RICTOR: variants seen among roughly 807,000 people sequenced by gnomAD.
RICTOR encodes RPTOR independent companion of MTOR complex 2.
A neutral mutation model predicts 214.9 loss-of-function variants in RICTOR; 49 were observed. The observed-to-expected ratio is 0.23, with a 90% CI of 0.18 to 0.29. RICTOR has a LOEUF of 0.29. Among genes scored for constraint, RICTOR ranks in the 10% least tolerant of loss-of-function variants. RICTOR has a pLI of 1.00. For missense variants in RICTOR, 1,625 were observed against 2,047.0 expected, an observed-to-expected ratio of 0.79 and a Z score of 3.98; for synonymous variants, 717 against 711.3, an observed-to-expected ratio of 1.01 and a Z score of -0.13.
Position 38,978,663 on chromosome 5 carries a change from A to T in RICTOR, c.754-13T>A. On this transcript the variant is annotated splice_polypyrimidine_tract_variant and intron_variant, in intron 8 of 37. Coordinates refer to ENST00000357387, the MANE Select transcript of RICTOR (RefSeq NM_152756.5). ...GTGCTAAAATTCTCTATTTAAAAAA[A>T]AAAAGGAAGAAAAGAGTCTTTATTT... 7.6e-7 allele frequency: 1 copy of T among 1,322,604 alleles called. No individual in the cohort carries two copies. Among genetic ancestry groups the T allele is most frequent in the Non-Finnish European group, 1.1e-6 (1 of 938,274 alleles). The allele number at this position is 1,322,604 out of a possible 1,614,324, so 81.9% of individuals were successfully genotyped here. A position where few individuals can be genotyped will look rare whatever the true frequency, so the allele number is the denominator to read the frequency against.
At position 38,998,994 on chromosome 5, in the gene RICTOR, C is replaced by T. The variant is rs374950983; in HGVS notation, c.393-2112G>A. On this transcript the variant is annotated intron_variant, in intron 5 of 37. Coordinates refer to ENST00000357387, the MANE Select transcript of RICTOR (RefSeq NM_152756.5). Reference sequence around the variant, plus strand: ...TTGCGCCACTGCACTCCAGCTTGGGCGACAGAGCGAGACTCCATCTCAAAC... The same window carrying T: ...TTGCGCCACTGCACTCCAGCTTGGGTGACAGAGCGAGACTCCATCTCAAAC... Among the ~76,000 whole-genome samples the T allele has an allele frequency of 8.8e-5, 11 of 125,586 alleles. No homozygotes were observed. The East Asian group carries it at 1.4e-3, about 16-fold the overall frequency. 82.4% of individuals were successfully genotyped at this position (125,586 alleles called of 152,430 possible).
At chr5:39,059,568 G>C (rs1758406544) in intron 2 of RICTOR, among the ~76,000 whole-genome samples, 1 of 152,046 alleles carries the variant, frequency 6.6e-6, no homozygotes, top group Admixed American at 6.5e-5. Context: ...CTGCAGTTCT[G>C]AAGGTCCTCA....
At position 39,069,209 on chromosome 5, in the gene RICTOR, T is replaced by C. The variant is rs76815086; in HGVS notation, c.97+4902A>G. On this transcript the variant is annotated intron_variant, in intron 2 of 37. Coordinates refer to ENST00000357387, the MANE Select transcript of RICTOR (RefSeq NM_152756.5). ...AGGGAGAGTTTTGCTTACAAGACTT[T>C]GTTAAGCAATAAAGTTGTGGAGTGA... Among the ~76,000 whole-genome samples, 354 of 152,336 alleles carry C rather than the reference T, an allele frequency of 2.3e-3. 1 individual carries two copies. The highest frequency in any genetic ancestry group is 8.1e-3 in the African/African-American group (335 of 41,574).
At chr5:38,943,012 G>A in intron 36 of RICTOR, 41 bp from the exon 37 acceptor site, 1 of 1,463,082 alleles carries the variant, frequency 6.8e-7, no homozygotes, top group Non-Finnish European at 9.6e-7. Flanking sequence ...CTGTAATCAT[G>A]ATGTATCTAT....
intron 5 of RICTOR, among the ~76,000 whole-genome samples, chr5:39,002,262 T>C (rs1052728669): frequency 6.6e-6 from 1 of 150,766 alleles, no homozygotes; most frequent in Non-Finnish European, 1.5e-5. Context: ...CAACACACAA[T>C]GCTCAAGAAC....
chr5:39,074,221 G>C, intron 1 of RICTOR, 63 bp from the exon 2 acceptor site: 2 of 1,579,032 alleles, frequency 1.3e-6, no homozygotes, highest in African/African-American at 2.8e-5. Flanking sequence ...CGGCTGCCCT[G>C]GCTCCGGCCA....
chr5:39,032,244 T>G (rs1756330701), intron 2 of RICTOR, among the ~76,000 whole-genome samples: 1 of 152,212 alleles, frequency 6.6e-6, no homozygotes, highest in South Asian at 2.1e-4. Context: ...CCATCTGGAA[T>G]GCAGAGAACA....
rs2150012306 is a variant in RICTOR at position 38,957,661 on chromosome 5, CT to C, written c.2489del (p.Lys830SerfsTer13). ...TCAAATAAGAAGTTACCCTGTGCCA[CT>C]TTTCCAATTGTTTTGCTACATAACC... ...ERGYVAKQLE[K>X]WHREYNSKYV... On this transcript the variant is annotated frameshift_variant, in exon 25 of 38. Coordinates refer to ENST00000357387, the MANE Select transcript of RICTOR (RefSeq NM_152756.5). LOFTEE classifies it high-confidence loss of function. The C allele has an allele frequency of 1.3e-6, 2 of 1,556,756 alleles. No individual in the cohort carries two copies. Among genetic ancestry groups the C allele is most frequent in the Non-Finnish European group, 1.8e-6 (2 of 1,135,806 alleles).
At chr5:38,964,090 A>G (rs776830560) in intron 16 of RICTOR, among the ~76,000 whole-genome samples, 6 of 151,914 alleles carry the variant, frequency 3.9e-5, no homozygotes, top group Non-Finnish European at 5.9e-5. Flanking sequence ...ACATCAAGCA[A>G]AAAAATAAAA....
At chr5:38,995,555 T>G (rs1213765341) in intron 6 of RICTOR, among the ~76,000 whole-genome samples, 1 of 152,018 alleles carries the variant, frequency 6.6e-6, no homozygotes, top group South Asian at 2.1e-4. Context: ...ACCCCAAAAA[T>G]TATTGAAAAA....
chr5:39,003,710 G>T, intron 3 of RICTOR, 88 bp from the exon 4 acceptor site: 2 of 699,040 alleles, frequency 2.9e-6, no homozygotes, highest in South Asian at 4.6e-5. Flanking sequence ...GGAAAATAAG[G>T]TATTTTTATG....
At chr5:39,001,220 G>C (rs1753590030) in intron 5 of RICTOR, among the ~76,000 whole-genome samples, 1 of 152,042 alleles carries the variant, frequency 6.6e-6, no homozygotes, top group South Asian at 2.1e-4. Context: ...TAAAACAGTT[G>C]AGAAACTGGT....
In RICTOR at chr5:38,982,870, A is replaced by C. The variant is rs1373709274; in HGVS notation, c.584-834T>G. Among the ~76,000 whole-genome samples, 6 of 152,000 alleles carry C rather than the reference A, an allele frequency of 3.9e-5. No individual in the cohort carries two copies. The East Asian group carries it at 9.6e-4, about 24-fold the overall frequency. The stretch of plus-strand genomic sequence containing the variant: ...TACATATAAATATATTCTCTTTCAA[A>C]AATGTTTATTTTTACTCTTTTTCAA... On this transcript the variant is annotated intron_variant, in intron 7 of 37. Coordinates refer to ENST00000357387, the MANE Select transcript of RICTOR (RefSeq NM_152756.5).
intron 7 of RICTOR, among the ~76,000 whole-genome samples, chr5:38,985,049 G>A (rs1239442170): frequency 1.3e-5 from 2 of 152,110 alleles, no homozygotes; most frequent in Non-Finnish European, 2.9e-5. Context: ...TTGACCTCGT[G>A]ATCCACCCGC....
At chr5:38,980,528 T>A (rs1021282801) in intron 8 of RICTOR, among the ~76,000 whole-genome samples, 4 of 152,138 alleles carry the variant, frequency 2.6e-5, no homozygotes, top group Non-Finnish European at 4.4e-5. Flanking sequence ...GCTTTGCTAA[T>A]CCACTGTGTG....
chr5:39,048,389 C>A (rs909152310), intron 2 of RICTOR, among the ~76,000 whole-genome samples: 1 of 152,196 alleles, frequency 6.6e-6, no homozygotes, highest in African/African-American at 2.4e-5. Flanking sequence ...TGGACCTAAA[C>A]TGTTTATACT....
chr5:39,011,424 C>T (rs1409845382), intron 3 of RICTOR, among the ~76,000 whole-genome samples: 1 of 152,116 alleles, frequency 6.6e-6, no homozygotes, highest in African/African-American at 2.4e-5. Context: ...GGGTTGGAGC[C>T]CCCACACAAA....
chr5:39,041,851 G>A (rs577766796), intron 2 of RICTOR, among the ~76,000 whole-genome samples: 43 of 151,054 alleles, frequency 2.8e-4, no homozygotes, highest in East Asian at 1.8e-3. Context: ...GATAGTAGGC[G>A]GATCCCTACA....
At chr5:38,970,620 T>A (rs1318585151) in intron 11 of RICTOR, 1 of 152,020 alleles carries the variant, frequency 6.6e-6, no homozygotes, top group Non-Finnish European at 1.5e-5. Flanking sequence ...ATTTTTCACC[T>A]CCAGGTTTGG....
Sources: gnomAD v4.1 joint callset for allele counts (sites outside exome capture counted in the v4.1 genomes callset) on GRCh38, gnomAD v4.1.1 for gene constraint, MANE v1.5 for transcripts, NCBI Gene and HGNC (gene_info 2026-07-23, HGNC 2026-07-21) for gene names.